The following COQ8B variants were observed in gnomAD, a reference collection of about 807,000 sequenced individuals.
COQ8B encodes the protein coenzyme Q8B.
A neutral mutation model predicts 62.0 loss-of-function variants in COQ8B; 44 were observed. The observed-to-expected ratio is 0.71, with a 90% CI of 0.56 to 0.91. The LOEUF (loss-of-function observed/expected upper bound fraction) is 0.91, where lower values mean the gene tolerates loss of function less well. COQ8B is among the 40% of genes least tolerant of loss of function. The pLI, the probability that COQ8B is intolerant of heterozygous loss-of-function variation, is 0.00. For missense variants in COQ8B, 649 were observed against 731.6 expected (o/e 0.89, Z 1.30); for synonymous variants, 252 against 289.9 (o/e 0.87, Z 1.33).
At chr19:40,702,764 C>T in intron 9 of COQ8B, 71 bp from the exon 10 acceptor site, 6 of 1,405,332 alleles carry the variant, frequency 4.3e-6, no homozygotes, top group South Asian at 1.2e-5. Context: ...CCTGCCAACC[C>T]TCTCTCTCCT....
intron 9 of COQ8B, 150 bp from the exon 10 acceptor site, chr19:40,702,843 C>T: frequency 1.4e-6 from 1 of 707,252 alleles, no homozygotes; most frequent in Non-Finnish European, 2.5e-6. Context: ...CTCCTGTCTC[C>T]CACGCAGCTC....
At chr19:40,715,609 C>T in intron 1 of COQ8B, 1 of 985,472 alleles carries the variant, frequency 1.0e-6, no homozygotes. Context: ...CTGTTTCCCG[C>T]TCACGCCTTC....
intron 13 of COQ8B, among the ~76,000 whole-genome samples, chr19:40,694,702 T>C (rs1291382333): frequency 6.6e-6 from 1 of 152,212 alleles, no homozygotes; most frequent in Non-Finnish European, 1.5e-5. Flanking sequence ...GACTGTCCCT[T>C]ATCACTGCCT....
Position 40,700,067 on chromosome 19 carries a change from C to T in COQ8B, c.1143G>A (p.Gln381=). 2 of 1,614,108 alleles carry T rather than the reference C, an allele frequency of 1.2e-6. No homozygotes were observed. Among genetic ancestry groups the T allele is most frequent in the Non-Finnish European group, 1.7e-6 (2 of 1,179,938 alleles). The change falls in exon 12 of 15, where the codon CAG becomes CAA. Residue 381 remains glutamine, a splice_region_variant and synonymous_variant. Coordinates refer to ENST00000324464, the MANE Select transcript of COQ8B (RefSeq NM_024876.4). ...CAGACACACATCACTAGGAACCAAC[C>T]TGGTGGCTGGAGGCATCATACAGGA... The part of the protein sequence containing the change: ...ANFLYDASSH[Q]VTLLDFGASR...
chr19:40,705,497 G>T, intron 5 of COQ8B, 50 bp from the exon 6 acceptor site: 1 of 1,493,814 alleles, frequency 6.7e-7, no homozygotes. Context: ...TCATCACTGC[G>T]GCCAGGCCCG....
Position 40,691,908 on chromosome 19 carries a change from G to A in COQ8B, c.*127C>T. On this transcript the variant is annotated 3_prime_UTR_variant, in exon 15 of 15. Transcript: ENST00000324464. ...CAGGGATCCTGAGCTCCTGGGCCAA[G>A]GAGGAGAGCCAGGCAAGACTGGGAA... is the stretch of plus-strand genomic sequence containing the variant. 2 of 910,910 alleles carry A rather than the reference G, an allele frequency of 2.2e-6. No individual in the cohort carries two copies. The highest frequency in any genetic ancestry group is 3.0e-6 in the Non-Finnish European group (2 of 667,844). The allele number at this position is 910,910 out of a possible 1,614,324, so 56.4% of individuals were successfully genotyped here. A position where few individuals can be genotyped will look rare whatever the true frequency, so the allele number is the denominator to read the frequency against.
chr19:40,704,067 C>T, intron 7 of COQ8B: 1 of 585,248 alleles, frequency 1.7e-6, no homozygotes, highest in Non-Finnish European at 2.9e-6. Context: ...TGAGGCTCAG[C>T]CTAGCCTGTG....
At chr19:40,692,893 C>T (rs1306860655) in intron 14 of COQ8B, 58 bp downstream of exon 14, 2 of 1,487,484 alleles carry the variant, frequency 1.3e-6, no homozygotes, top group South Asian at 2.3e-5. Context: ...AGATAAGCAG[C>T]CCCCCACTGC....
At chr19:40,710,822 T>C (rs2082135119) in intron 4 of COQ8B, among the ~76,000 whole-genome samples, 1 of 152,178 alleles carries the variant, frequency 6.6e-6, no homozygotes, top group Non-Finnish European at 1.5e-5. Flanking sequence ...ATAATTCTAA[T>C]GTGCGATCAA....
chr19:40,692,855 C>T (rs2081984524), intron 14 of COQ8B, 96 bp downstream of exon 14: 1 of 1,060,728 alleles, frequency 9.4e-7, no homozygotes, highest in Non-Finnish European at 1.4e-6. Context: ...ATCGACATGC[C>T]CCATCACCTA....
At chr19:40,710,853 C>G (rs1045892783) in intron 4 of COQ8B, among the ~76,000 whole-genome samples, 1 of 152,066 alleles carries the variant, frequency 6.6e-6, no homozygotes, top group Non-Finnish European at 1.5e-5. Context: ...GCCCCTCGGC[C>G]GGGCACAGTG....
rs144930130 is a variant in COQ8B at position 40,716,777 on chromosome 19, G to A, written c.-194C>T. 1,264 of 158,478 alleles carry A rather than the reference G, an allele frequency of 8.0e-3. 39 individuals carry two copies. Among genetic ancestry groups the A allele is most frequent in the Non-Finnish European group, 5.3e-3 (379 of 72,050 alleles). The allele number at this position is 158,478 out of a possible 1,614,324, so 9.8% of individuals were successfully genotyped here. A position where few individuals can be genotyped will look rare whatever the true frequency, so the allele number is the denominator to read the frequency against. ...GGAAGGTTGAACTTGTCATTCAACC[G>A]TGTAGGGAGGGTGGTTTAGTCACAG... On this transcript the variant is annotated 5_prime_UTR_variant, in exon 1 of 15. In the 5' UTR this introduces an upstream ATG that the reference lacks. Transcript: ENST00000324464.
At chr19:40,702,441 C>T (rs369083340) in intron 10 of COQ8B, among the ~76,000 whole-genome samples, 159 bp downstream of exon 10, 7 of 152,126 alleles carry the variant, frequency 4.6e-5, no homozygotes, top group African/African-American at 1.2e-4. Context: ...AGGGGGTAAG[C>T]GAAGTGATGG....
intron 5 of COQ8B, among the ~76,000 whole-genome samples, chr19:40,708,773 C>T (rs1453363415): frequency 6.7e-6 from 1 of 150,354 alleles, no homozygotes; most frequent in East Asian, 1.9e-4. Context: ...ACAAAAAATA[C>T]AAAAAATTAG....
intron 2 of COQ8B, 55 bp from the exon 3 acceptor site, chr19:40,714,452 C>G (rs2082168772): frequency 6.2e-7 from 1 of 1,613,050 alleles, no homozygotes; most frequent in South Asian, 1.1e-5. Context: ...CCTGGCCCTT[C>G]TGGACCCCTC....
chr19:40,715,646 C>T (rs1022725977), intron 1 of COQ8B: 1 of 978,432 alleles, frequency 1.0e-6, no homozygotes, highest in Non-Finnish European at 1.2e-6. Context: ...TACCCTCCCC[C>T]CCACTTGCAC....
At chr19:40,692,724 C>T (rs910920746) in intron 14 of COQ8B, among the ~76,000 whole-genome samples, 1 of 151,972 alleles carries the variant, frequency 6.6e-6, no homozygotes, top group South Asian at 2.1e-4. Context: ...CCACTCCTCC[C>T]CAAAGCCCCC....
chr19:40,716,427 G>C (rs1031961974), intron 1 of COQ8B, among the ~76,000 whole-genome samples, 160 bp downstream of exon 1: 1 of 152,218 alleles, frequency 6.6e-6, no homozygotes, highest in Non-Finnish European at 1.5e-5. Context: ...TAGCCCCGTA[G>C]CTGCAAGCAA....
intron 13 of COQ8B, among the ~76,000 whole-genome samples, chr19:40,694,866 G>A (rs1223082811): frequency 1.3e-5 from 2 of 152,132 alleles, no homozygotes; most frequent in African/African-American, 4.8e-5. Flanking sequence ...GGCTCACAGT[G>A]CCCTGCGCTT....
Sources: gnomAD v4.1 joint callset for allele counts (sites outside exome capture counted in the v4.1 genomes callset) on GRCh38, gnomAD v4.1.1 for gene constraint, MANE v1.5 for transcripts, NCBI Gene and HGNC (gene_info 2026-07-23, HGNC 2026-07-21) for gene names.